The following TIA1 variants were observed in gnomAD, a reference collection of about 807,000 sequenced individuals.
The protein encoded by TIA1 is cytotoxic granule associated RNA binding protein TIA1.
TIA1 carries 23 observed loss-of-function variants against 65.9 expected under a neutral mutation model. That is an observed-to-expected ratio of 0.35 (90% CI 0.25 to 0.49). The LOEUF (loss-of-function observed/expected upper bound fraction) is 0.49, where lower values mean the gene tolerates loss of function less well. Ranked by LOEUF, TIA1 falls within the 20% of genes least tolerant of loss-of-function variation. The pLI is 0.98. For missense variants in TIA1, 371 were observed against 477.9 expected, an observed-to-expected ratio of 0.78 and a Z score of 2.09; for synonymous variants, 147 against 149.4, an observed-to-expected ratio of 0.98 and a Z score of 0.12.
At chr2:70,213,169 C>G (rs1418179228) in intron 12 of TIA1, among the ~76,000 whole-genome samples, 2 of 152,134 alleles carry the variant, frequency 1.3e-5, no homozygotes, top group African/African-American at 4.8e-5. Flanking sequence ...AGCTATCCAT[C>G]TCATCTCTAT....
intron 1 of TIA1, among the ~76,000 whole-genome samples, chr2:70,241,614 G>C (rs547019903): frequency 6.6e-6 from 1 of 151,900 alleles, no homozygotes; most frequent in Admixed American, 6.6e-5. Context: ...AAGAAGTCAC[G>C]GTGATTTTGG....
chr2:70,242,448 G>A (rs1384795831), intron 1 of TIA1, among the ~76,000 whole-genome samples: 3 of 113,322 alleles, frequency 2.6e-5, no homozygotes, highest in Non-Finnish European at 3.3e-5. Flanking sequence ...GCAGTGAGCC[G>A]AGATCTCACC....
At chr2:70,215,018 A>T in intron 11 of TIA1, 1 of 215,654 alleles carries the variant, frequency 4.6e-6, no homozygotes, top group Non-Finnish European at 9.1e-6. Flanking sequence ...CCAAGGCCAT[A>T]ACTATATTTA....
chr2:70,218,892 A>G (rs1396407777), intron 7 of TIA1, among the ~76,000 whole-genome samples: 1 of 152,246 alleles, frequency 6.6e-6, no homozygotes, highest in Admixed American at 6.5e-5. Flanking sequence ...ACTCAAGGCC[A>G]AAATAATGGG....
chr2:70,223,766 A>AAT (rs939911582), intron 7 of TIA1, among the ~76,000 whole-genome samples: 9 of 151,820 alleles, frequency 5.9e-5, no homozygotes, highest in Non-Finnish European at 1.3e-4. Context: ...TAAAATAAAA[A>AAT]ATATATATAT....
chr2:70,222,466 T>C (rs922271757), intron 7 of TIA1, among the ~76,000 whole-genome samples: 5 of 152,076 alleles, frequency 3.3e-5, no homozygotes, highest in African/African-American at 9.7e-5. Flanking sequence ...GCTCAATCAG[T>C]ATTGTGGTCT....
At chr2:70,229,366 A>C (rs1685121909) in intron 3 of TIA1, 48 bp from the exon 4 acceptor site, 1 of 1,493,334 alleles carries the variant, frequency 6.7e-7, no homozygotes, top group Non-Finnish European at 9.2e-7. Flanking sequence ...AATAAAGCCC[A>C]AAATCACATT....
In TIA1 at chr2:70,209,693, G is replaced by A. The variant is rs552674792; in HGVS notation, c.*3026C>T. ...GCTCATGCTTAAGATTGACGATTTC[G>A]TGAAATAAAGAACATTATTTGAGAG... On this transcript the variant is annotated 3_prime_UTR_variant, in exon 13 of 13. Coordinates refer to ENST00000433529, the MANE Select transcript of TIA1 (RefSeq NM_022173.4). The A allele has an allele frequency of 3.0e-5, 12 of 398,284 alleles. No individual in the cohort carries two copies. Among genetic ancestry groups the A allele is most frequent in the African/African-American group, 6.2e-5 (3 of 48,714 alleles). The allele number at this position is 398,284 out of a possible 1,614,324, so 24.7% of individuals were successfully genotyped here.
At chr2:70,244,857 AGAT>A (rs1319878009) in intron 1 of TIA1, among the ~76,000 whole-genome samples, 296 of 149,218 alleles carry the variant, frequency 2.0e-3, no homozygotes, top group African/African-American at 7.3e-3. Context: ...AAAAAAAAAA[AGAT>A]AGGTCTGATT....
At chr2:70,246,804 T>C (rs1573904048) in intron 1 of TIA1, among the ~76,000 whole-genome samples, 1 of 152,110 alleles carries the variant, frequency 6.6e-6, no homozygotes, top group Non-Finnish European at 1.5e-5. Context: ...GAGAATCATT[T>C]AAACCCAGGA....
rs1685088110 is a variant in TIA1, at chr2:70,229,300, C to T, written c.241G>A (p.Ala81Thr). ...IMGKEVKVNW[A>T]TTPSSQKKDT... ...TTCTTTTGACTGCTAGGGGTTGTTG[C>T]CCAATTCACTTTGACTTCCTAAAAA... Residue 81 changes from alanine to threonine, a missense_variant, in exon 4 of 13, where the codon GCA (alanine) becomes ACA (threonine). Transcript: ENST00000433529. 1.2e-6 allele frequency: 2 copies of T among 1,611,808 alleles called. No homozygotes were observed. The highest frequency in any genetic ancestry group is 8.5e-7 in the Non-Finnish European group (1 of 1,179,538).
Position 70,210,109 on chromosome 2 carries a change from T to TA in TIA1, c.*2609dup, listed in dbSNP as rs80309223. On this transcript the variant is annotated 3_prime_UTR_variant, in exon 13 of 13. Transcript: ENST00000433529. ...TAAACCACTGATTCTGGAATAAGAT[T>TA]AAAAAAAAAATACCTGAGTGAATAT... 5,338 of 166,082 alleles carry TA rather than the reference T, an allele frequency of 0.032. 126 individuals are homozygous for TA. The highest frequency in any genetic ancestry group is 0.05 in the Non-Finnish European group (3,936 of 79,052). The allele number at this position is 166,082 out of a possible 1,614,324, so 10.3% of individuals were successfully genotyped here. A position where few individuals can be genotyped will look rare whatever the true frequency, so the allele number is the denominator to read the frequency against.
At chr2:70,245,773 C>G (rs545014398) in intron 1 of TIA1, among the ~76,000 whole-genome samples, 1 of 152,262 alleles carries the variant, frequency 6.6e-6, no homozygotes, top group Admixed American at 6.5e-5. Context: ...TCTAACTTAA[C>G]ATGGAGATGC....
chr2:70,212,007 T>C lies in TIA1; in HGVS notation c.*712A>G, dbSNP rs1030831037. The C allele has an allele frequency of 1.3e-5, 2 of 152,592 alleles. No individual in the cohort carries two copies. Among genetic ancestry groups the C allele is most frequent in the Non-Finnish European group, 2.9e-5 (2 of 68,038 alleles). The allele number at this position is 152,592 out of a possible 1,614,324, so 9.5% of individuals were successfully genotyped here. A position where few individuals can be genotyped will look rare whatever the true frequency, so the allele number is the denominator to read the frequency against. The stretch of plus-strand genomic sequence containing the variant: ...CCTTTTAAACAAATCCAACAGGAAA[T>C]TCTTGAGGCACCTTCTCATATAAAA... On this transcript the variant is annotated 3_prime_UTR_variant, in exon 13 of 13. Coordinates refer to ENST00000433529, the MANE Select transcript of TIA1 (RefSeq NM_022173.4).
At chr2:70,227,862 A>T in intron 5 of TIA1, 40 bp from the exon 6 acceptor site, 1 of 1,387,990 alleles carries the variant, frequency 7.2e-7, no homozygotes, top group Non-Finnish European at 1.0e-6. Flanking sequence ...AGAAAAATAG[A>T]ACTTTAGAAT....
Position 70,209,628 on chromosome 2 carries a change from G to A in TIA1, c.*3091C>T, listed in dbSNP as rs1675970972. The A allele has an allele frequency of 1.0e-5, 4 of 398,324 alleles. No individual in the cohort carries two copies. Among genetic ancestry groups the A allele is most frequent in the Non-Finnish European group, 1.3e-5 (3 of 225,938 alleles). The allele number at this position is 398,324 out of a possible 1,614,324, so 24.7% of individuals were successfully genotyped here. A position where few individuals can be genotyped will look rare whatever the true frequency, so the allele number is the denominator to read the frequency against. On this transcript the variant is annotated 3_prime_UTR_variant, in exon 13 of 13. Transcript: ENST00000433529. ...TGATTTAACAACAGAGAAAATCCAG[G>A]AAGAATGAATTGAGTTCCTTCTAGG...
At chr2:70,244,238 A>ATC (rs1309485424) in intron 1 of TIA1, among the ~76,000 whole-genome samples, 2 of 152,138 alleles carry the variant, frequency 1.3e-5, no homozygotes, top group African/African-American at 4.8e-5. Flanking sequence ...AATGTCACTT[A>ATC]TCAAAGGATG....
In TIA1 at chr2:70,210,267, A is replaced by C. The variant is rs1317188810; in HGVS notation, c.*2452T>G. On this transcript the variant is annotated 3_prime_UTR_variant, in exon 13 of 13. Transcript: ENST00000433529. ...CAGGGTAAAGAATACTGGATTAATC[A>C]CCCATTAAGTGTAAATCACTTCAGG... 1 of 152,256 alleles carries C rather than the reference A, an allele frequency of 6.6e-6. No homozygotes were observed. Among genetic ancestry groups the C allele is most frequent in the Non-Finnish European group, 1.5e-5 (1 of 68,066 alleles). The allele number at this position is 152,256 out of a possible 1,614,324, so 9.4% of individuals were successfully genotyped here.
At chr2:70,240,327 T>C (rs1302286848) in intron 1 of TIA1, among the ~76,000 whole-genome samples, 2 of 152,236 alleles carry the variant, frequency 1.3e-5, no homozygotes, top group Non-Finnish European at 2.9e-5. Context: ...GTTTATAGGA[T>C]ATCAGGCAAA....
Sources: allele counts gnomAD v4.1 joint callset (sites outside exome capture counted in the v4.1 genomes callset), GRCh38; gene constraint gnomAD v4.1.1; transcripts MANE v1.5; gene names NCBI Gene and HGNC (gene_info 2026-07-23, HGNC 2026-07-21).